Variants in STPG2 observed in about 807,000 individuals in gnomAD.
The protein encoded by STPG2 is sperm-tail PG-rich repeat-containing protein 2.
In STPG2, 56 loss-of-function variants were observed where a neutral mutation model predicts 54.2. The ratio of observed to expected loss-of-function variants is 1.03; its 90% confidence interval spans 0.83 to 1.29. The LOEUF is 1.29. STPG2 is among the 50% of genes most tolerant of loss of function. STPG2 has a pLI of 0.00. For synonymous variants in STPG2, 200 were observed against 181.8 expected (o/e 1.10, Z -0.81); for missense variants, 596 against 544.9 (o/e 1.09, Z -0.93).
chr4:97,969,100 T>C (rs1734224519), intron 7 of STPG2, among the ~76,000 whole-genome samples: 1 of 152,212 alleles, frequency 6.6e-6, no homozygotes, highest in Non-Finnish European at 1.5e-5. Context: ...TAGGTCTTTT[T>C]AGGGTTAAGA....
chr4:97,496,647 T>C (rs1730617477), intron 4 of STPG2, among the ~76,000 whole-genome samples: 1 of 151,806 alleles, frequency 6.6e-6, no homozygotes, highest in Non-Finnish European at 1.5e-5. Flanking sequence ...CCCCTATGTT[T>C]GTGTAGGCAT....
At chr4:97,613,360 G>A (rs1436538060) in intron 10 of STPG2, among the ~76,000 whole-genome samples, 4 of 151,928 alleles carry the variant, frequency 2.6e-5, no homozygotes, top group Non-Finnish European at 4.4e-5. Context: ...TTAAACTGGG[G>A]TTATGGGTTT....
At chr4:97,678,000 TTAAA>T (rs1219637176) in intron 10 of STPG2, among the ~76,000 whole-genome samples, 2 of 152,162 alleles carry the variant, frequency 1.3e-5, no homozygotes, top group African/African-American at 4.8e-5. Context: ...ATATACATCA[TTAAA>T]TACTGTTCTT....
intron 10 of STPG2, among the ~76,000 whole-genome samples, chr4:97,620,026 G>A (rs560192170): frequency 5.9e-5 from 9 of 151,904 alleles, no homozygotes; most frequent in Admixed American, 1.3e-4. Flanking sequence ...GGGTTTCACC[G>A]TGTAAGCCAG....
intron 9 of STPG2, among the ~76,000 whole-genome samples, chr4:97,800,283 C>T (rs551365996): frequency 6.6e-6 from 1 of 152,330 alleles, no homozygotes; most frequent in African/African-American, 2.4e-5. Flanking sequence ...TTCAGTTTCT[C>T]TGCTCTGTTT....
At chr4:98,126,819 G>A (rs1323818276) in intron 3 of STPG2, among the ~76,000 whole-genome samples, 4 of 152,014 alleles carry the variant, frequency 2.6e-5, no homozygotes, top group African/African-American at 9.7e-5. Context: ...AATATATGGG[G>A]AGAAAAAATG....
intron 8 of STPG2, among the ~76,000 whole-genome samples, chr4:97,865,791 T>TA (rs1442912091): frequency 6.6e-6 from 1 of 151,912 alleles, no homozygotes; most frequent in Non-Finnish European, 1.5e-5. Context: ...ATGGCAGATG[T>TA]ATACATATGT....
intron 10 of STPG2, among the ~76,000 whole-genome samples, chr4:97,685,693 G>T (rs1408503209): frequency 6.6e-6 from 1 of 152,060 alleles, no homozygotes; most frequent in South Asian, 2.1e-4. Context: ...TGTAAATTAT[G>T]GAATTTATTT....
chr4:98,039,865 T>C (rs1736894575), intron 5 of STPG2, among the ~76,000 whole-genome samples: 1 of 151,780 alleles, frequency 6.6e-6, no homozygotes, highest in Admixed American at 6.6e-5. Flanking sequence ...GATGAAATGG[T>C]AATTCTAATT....
intron 5 of STPG2, among the ~76,000 whole-genome samples, chr4:98,089,347 T>C (rs1414679218): frequency 6.6e-6 from 1 of 152,110 alleles, no homozygotes; most frequent in African/African-American, 2.4e-5. Context: ...AATAATGGCC[T>C]CCAGCTCTAA....
chr4:97,627,961 C>G (rs1177881571), intron 10 of STPG2, among the ~76,000 whole-genome samples: 1 of 151,984 alleles, frequency 6.6e-6, no homozygotes, highest in Non-Finnish European at 1.5e-5. Flanking sequence ...GTCTTTTTGT[C>G]CTATTCAGAC....
At chr4:98,042,060 G>C (rs1421346252) in intron 5 of STPG2, among the ~76,000 whole-genome samples, 1 of 151,836 alleles carries the variant, frequency 6.6e-6, no homozygotes, top group Non-Finnish European at 1.5e-5. Flanking sequence ...GTTCAATCTG[G>C]AAATAATATG....
chr4:97,716,896 A>G (rs1055043688), intron 9 of STPG2, among the ~76,000 whole-genome samples: 3 of 152,094 alleles, frequency 2.0e-5, no homozygotes, highest in African/African-American at 7.2e-5. Flanking sequence ...AAAAGGGGTT[A>G]AAAATCAGTT....
chr4:97,547,147 T>G (rs926826293), intron 4 of STPG2, among the ~76,000 whole-genome samples: 23 of 151,258 alleles, frequency 1.5e-4, no homozygotes, highest in Non-Finnish European at 3.1e-4. Context: ...GCTAGAGAGA[T>G]AAACCAAGGC....
intron 5 of STPG2, among the ~76,000 whole-genome samples, chr4:98,023,072 C>T (rs1084773): frequency 0.094 from 14,316 of 152,276 alleles, 927 homozygotes; most frequent in Middle Eastern, 0.21. Context: ...AACTGCATTC[C>T]TTTGGAGGAG....
At chr4:97,880,906 G>A (rs1276406172) in intron 8 of STPG2, among the ~76,000 whole-genome samples, 1 of 151,760 alleles carries the variant, frequency 6.6e-6, no homozygotes, top group African/African-American at 2.4e-5. Context: ...TAATATTTGA[G>A]AGCTTCAAAT....
chr4:97,874,850 G>A (rs1017759916), intron 8 of STPG2, among the ~76,000 whole-genome samples: 1 of 151,638 alleles, frequency 6.6e-6, no homozygotes, highest in African/African-American at 2.4e-5. Context: ...TTAAAAAAAA[G>A]AGACATGAGA....
chr4:97,997,820 G>T (rs1158803434), intron 5 of STPG2, among the ~76,000 whole-genome samples: 1 of 151,924 alleles, frequency 6.6e-6, no homozygotes, highest in African/African-American at 2.4e-5. Context: ...AATACATACG[G>T]ACACAAAAAA....
At chr4:97,691,998 G>C (rs1286733059) in intron 10 of STPG2, among the ~76,000 whole-genome samples, 1 of 152,122 alleles carries the variant, frequency 6.6e-6, no homozygotes, top group Non-Finnish European at 1.5e-5. Flanking sequence ...TGCATGAAAG[G>C]AGCACCCTAT....
Sources: gnomAD v4.1 joint callset for allele counts (sites outside exome capture counted in the v4.1 genomes callset) on GRCh38, gnomAD v4.1.1 for gene constraint, MANE v1.5 for transcripts, NCBI Gene and HGNC (gene_info 2026-07-23, HGNC 2026-07-21) for gene names.